The following PRXL2A variants were observed in gnomAD, a reference collection of about 807,000 sequenced individuals.
PRXL2A encodes the protein peroxiredoxin like 2A, also known as peroxiredoxin-like 2A.
Under a neutral mutation model 25.6 loss-of-function variants are expected in PRXL2A, and 26 were observed. The ratio of observed to expected loss-of-function variants is 1.02; its 90% confidence interval spans 0.74 to 1.41. The LOEUF (loss-of-function observed/expected upper bound fraction) is 1.41. Ranked by LOEUF, PRXL2A falls within the 40% of genes most tolerant of loss-of-function variation. The probability of loss-of-function intolerance (pLI) is 0.00; values close to 1 mark genes in which losing one functional copy is unlikely to be tolerated. For missense variants in PRXL2A, 246 were observed against 273.9 expected, an observed-to-expected ratio of 0.90 and a Z score of 0.72; for synonymous variants, 98 against 102.9, an observed-to-expected ratio of 0.95 and a Z score of 0.29.
chr10:80,411,071 G>A (rs540526012), intron 1 of PRXL2A, among the ~76,000 whole-genome samples: 1 of 152,344 alleles, frequency 6.6e-6, no homozygotes, highest in Non-Finnish European at 1.5e-5. Flanking sequence ...GACTGAGGCA[G>A]GTAGGTGAGA....
At chr10:80,426,774 A>G (rs1208765414) in intron 4 of PRXL2A, among the ~76,000 whole-genome samples, 1 of 152,148 alleles carries the variant, frequency 6.6e-6, no homozygotes, top group Non-Finnish European at 1.5e-5. Context: ...AAAGCTACGG[A>G]TGTCACCCTA....
chr10:80,420,786 A>ATTGTTACC lies in PRXL2A; in HGVS notation c.178+141_178+142insTTGTTACC, dbSNP rs1373209087. 8.3e-5 allele frequency: 52 copies of ATTGTTACC among 628,144 alleles called. No homozygotes were observed. In the African/African-American group the frequency reaches 8.4e-4, roughly 10 times the overall value. The allele number at this position is 628,144 out of a possible 1,614,324, so 38.9% of individuals were successfully genotyped here. A position where few individuals can be genotyped will look rare whatever the true frequency, so the allele number is the denominator to read the frequency against. ...GGAAAAATTTAATAACAATTTTTAA[A>ATTGTTACC]CTAGGAATAATTCTGTTACCCTAAC... On this transcript the variant is annotated intron_variant, in intron 2 of 5. Coordinates refer to ENST00000606162, the MANE Select transcript of PRXL2A (RefSeq NM_032333.5).
At chr10:80,408,832 A>G (rs1844357428) in intron 1 of PRXL2A, among the ~76,000 whole-genome samples, 189 bp downstream of exon 1, 1 of 152,112 alleles carries the variant, frequency 6.6e-6, no homozygotes, top group Non-Finnish European at 1.5e-5. Context: ...TCCGAGGACG[A>G]CGACCCTTCC....
At chr10:80,420,073 G>A in intron 1 of PRXL2A, 2 of 987,268 alleles carry the variant, frequency 2.0e-6, no homozygotes, top group Non-Finnish European at 2.4e-6. Context: ...TTGTGAGGGA[G>A]AATCAGGCAT....
intron 3 of PRXL2A, among the ~76,000 whole-genome samples, chr10:80,424,137 T>A (rs752755831): frequency 2.6e-5 from 4 of 152,162 alleles, no homozygotes; most frequent in African/African-American, 4.8e-5. Context: ...TAGTGGAAAC[T>A]TACGTTTCCA....
intron 1 of PRXL2A, among the ~76,000 whole-genome samples, chr10:80,409,367 C>A (rs1844403089): frequency 1.3e-5 from 2 of 152,278 alleles, no homozygotes; most frequent in East Asian, 3.9e-4. Context: ...CCCAGCCGGT[C>A]CAGGGCTGTG....
At chr10:80,414,227 T>G (rs1844572629) in intron 1 of PRXL2A, among the ~76,000 whole-genome samples, 1 of 152,210 alleles carries the variant, frequency 6.6e-6, no homozygotes, top group Non-Finnish European at 1.5e-5. Flanking sequence ...AGCTGTTGTT[T>G]GTTTGTGGCT....
rs1203257898 is a variant in PRXL2A at position 80,432,037 on chromosome 10, C to T, written c.628C>T (p.Leu210Phe). ...EKEFGDKVNL[L>F]SVLEAAKMIK... ...AGAATTTGGAGACAAAGTAAACCTACTTTCTGTTCTGGAAGCTGCTAAGAT... is the reference window on the plus strand; with the variant it reads ...AGAATTTGGAGACAAAGTAAACCTATTTTCTGTTCTGGAAGCTGCTAAGAT... The change falls in exon 6 of 6, where the codon CTT becomes TTT. Residue 210 changes from leucine (L) to phenylalanine (F), a missense_variant. By Grantham distance (22) the Leu-to-Phe change is conservative. Transcript: ENST00000606162. The T allele has an allele frequency of 6.2e-7, 1 of 1,611,384 alleles. No homozygotes were observed. The highest frequency in any genetic ancestry group is 8.5e-7 in the Non-Finnish European group (1 of 1,179,390).
In PRXL2A at chr10:80,434,815, C is replaced by T. The variant is rs1276488044; in HGVS notation, c.*2716C>T. 1 of 151,960 alleles carries T rather than the reference C, an allele frequency of 6.6e-6. No individual in the cohort carries two copies. Among genetic ancestry groups the T allele is most frequent in the Non-Finnish European group, 1.5e-5 (1 of 67,992 alleles). The allele number at this position is 151,960 out of a possible 1,614,324, so 9.4% of individuals were successfully genotyped here. On this transcript the variant is annotated 3_prime_UTR_variant, in exon 6 of 6. Coordinates refer to ENST00000606162, the MANE Select transcript of PRXL2A (RefSeq NM_032333.5). The stretch of plus-strand genomic sequence containing the variant: ...ATAATTATATGACAAAGGGATGGCT[C>T]CCAGAAAAAGTGAGAAACACATTCC...
chr10:80,408,929 A>G, intron 1 of PRXL2A: 2 of 579,516 alleles, frequency 3.5e-6, no homozygotes, highest in Non-Finnish European at 4.4e-6. Context: ...GCGGCGGGCT[A>G]GGGCCCCCTC....
At position 80,420,544 on chromosome 10, in the gene PRXL2A, C is replaced by T. The variant is rs1844828352; in HGVS notation, c.77C>T (p.Ala26Val). 1 of 1,613,974 alleles carries T rather than the reference C, an allele frequency of 6.2e-7. No individual in the cohort carries two copies. The highest frequency in any genetic ancestry group is 8.5e-7 in the Non-Finnish European group (1 of 1,179,932). ...SIGAGALGAA[A>V]LALLLANTDV... ...GGTGCAGGAGCCCTGGGGGCTGCTG[C>T]CTTGGCATTGCTGCTTGCCAACACA... Residue 26 changes from alanine to valine, a missense_variant, in exon 2 of 6, where the codon GCC becomes GTC. Transcript: ENST00000606162.
intron 5 of PRXL2A, among the ~76,000 whole-genome samples, 179 bp downstream of exon 5, chr10:80,427,675 T>C (rs1845096790): frequency 6.6e-6 from 1 of 152,206 alleles, no homozygotes; most frequent in African/African-American, 2.4e-5. Context: ...CACACATCAT[T>C]CTCTGCTAGT....
chr10:80,429,589 C>T (rs1173840492), intron 5 of PRXL2A, among the ~76,000 whole-genome samples: 2 of 55,624 alleles, frequency 3.6e-5, no homozygotes, highest in African/African-American at 8.4e-5. Flanking sequence ...CCTAGCCTCT[C>T]CTGCCCTGCC....
intron 1 of PRXL2A, among the ~76,000 whole-genome samples, chr10:80,413,633 G>A (rs1397510934): frequency 3.3e-5 from 5 of 152,220 alleles, no homozygotes; most frequent in Admixed American, 6.5e-5. Context: ...TCAAAGCTTT[G>A]CTCAACTTTT....
intron 1 of PRXL2A, chr10:80,420,111 C>T (rs903947796): frequency 1.0e-6 from 1 of 993,076 alleles, no homozygotes; most frequent in African/African-American, 1.7e-5. Flanking sequence ...AGGAAGTAGT[C>T]TGCCTACAGG....
intron 3 of PRXL2A, among the ~76,000 whole-genome samples, chr10:80,424,552 T>C (rs1402567829): frequency 1.4e-5 from 2 of 141,516 alleles, no homozygotes; most frequent in African/African-American, 5.4e-5. Flanking sequence ...CCACTGTAGT[T>C]GGGCAACAGG....
intron 1 of PRXL2A, among the ~76,000 whole-genome samples, chr10:80,408,870 A>T (rs1478728483): frequency 6.6e-6 from 1 of 152,030 alleles, no homozygotes; most frequent in Non-Finnish European, 1.5e-5. Context: ...CCGATGGAAA[A>T]ACCCTGCGCC....
chr10:80,416,446 G>C (rs77999529), intron 1 of PRXL2A, among the ~76,000 whole-genome samples: 4,482 of 152,214 alleles, frequency 0.029, 153 homozygotes, highest in South Asian at 0.14. Flanking sequence ...GGTGATGTTT[G>C]GGCACAGAAC....
At chr10:80,412,078 G>A (rs1844496783) in intron 1 of PRXL2A, among the ~76,000 whole-genome samples, 1 of 152,154 alleles carries the variant, frequency 6.6e-6, no homozygotes, top group South Asian at 2.1e-4. Context: ...GAACAGTGGT[G>A]GCAGGGGTTC....
Sources: allele counts gnomAD v4.1 joint callset (sites outside exome capture counted in the v4.1 genomes callset), GRCh38; gene constraint gnomAD v4.1.1; transcripts MANE v1.5; gene names NCBI Gene and HGNC (gene_info 2026-07-23, HGNC 2026-07-21).